The following DPP10 variants were observed in gnomAD, a reference collection of about 807,000 sequenced individuals.
DPP10 encodes the protein dipeptidyl peptidase like 10, also known as inactive dipeptidyl peptidase 10.
A neutral mutation model predicts 120.9 loss-of-function variants in DPP10; 33 were observed. That is an observed-to-expected ratio of 0.27 (90% confidence interval 0.21 to 0.37). The LOEUF is 0.37. Ranked by LOEUF, DPP10 falls within the 10% of genes least tolerant of loss-of-function variation. The pLI, the probability that DPP10 is intolerant of heterozygous loss-of-function variation, is 1.00. For missense variants in DPP10, 816 were observed against 942.8 expected, an observed-to-expected ratio of 0.87 and a Z score of 1.76; for synonymous variants, 337 against 326.1, an observed-to-expected ratio of 1.03 and a Z score of -0.36.
chr2:115,210,858 A>G (rs908426021), intron 1 of DPP10, among the ~76,000 whole-genome samples: 1 of 151,940 alleles, frequency 6.6e-6, no homozygotes, highest in African/African-American at 2.4e-5. Context: ...CCACTTTTTG[A>G]TGGGGTTGTT....
chr2:115,699,791 A>G (rs6542290), intron 7 of DPP10, among the ~76,000 whole-genome samples: 142,649 of 152,260 alleles, frequency 0.94, 67,382 homozygotes, highest in Non-Finnish European at 1. Flanking sequence ...CAAAATACTA[A>G]TACAACAAAT....
At chr2:115,683,442 A>G (rs1363289297) in intron 5 of DPP10, among the ~76,000 whole-genome samples, 1 of 151,956 alleles carries the variant, frequency 6.6e-6, no homozygotes, top group Admixed American at 6.6e-5. Flanking sequence ...TATACTCATC[A>G]TAACTCACGG....
chr2:114,695,561 T>C (rs1700022811), intron 1 of DPP10, among the ~76,000 whole-genome samples: 1 of 152,090 alleles, frequency 6.6e-6, no homozygotes, highest in African/African-American at 2.4e-5. Flanking sequence ...AGTGTCTAGA[T>C]TGGATTTTCT....
chr2:114,480,146 C>G (rs1040591345), intron 1 of DPP10, among the ~76,000 whole-genome samples: 10 of 152,046 alleles, frequency 6.6e-5, no homozygotes, highest in African/African-American at 2.4e-4. Context: ...CAAATCAAAA[C>G]CACAATGAGA....
At chr2:115,021,736 GATCAATGCAAA>G (rs1480353713) in intron 1 of DPP10, among the ~76,000 whole-genome samples, 1 of 151,930 alleles carries the variant, frequency 6.6e-6, no homozygotes, top group Non-Finnish European at 1.5e-5. Context: ...CAATATCACT[GATCAATGCAAA>G]ATCAATGCAA....
intron 1 of DPP10, among the ~76,000 whole-genome samples, chr2:114,494,413 A>G (rs1682314437): frequency 6.6e-6 from 1 of 152,188 alleles, no homozygotes; most frequent in Admixed American, 6.6e-5. Flanking sequence ...CTTGAGCTGG[A>G]TATTAAAGAG....
At chr2:114,477,901 A>G (rs190325275) in intron 1 of DPP10, among the ~76,000 whole-genome samples, 35 of 137,420 alleles carry the variant, frequency 2.5e-4, no homozygotes, top group African/African-American at 8.7e-4. Context: ...ACATATGTGT[A>G]TATATGTACA....
chr2:114,648,856 A>G (rs1696344883), intron 1 of DPP10, among the ~76,000 whole-genome samples: 1 of 152,250 alleles, frequency 6.6e-6, no homozygotes, highest in Non-Finnish European at 1.5e-5. Context: ...GCCACTATCC[A>G]TTTAAGTAGG....
chr2:115,589,244 T>C (rs2082477364), intron 5 of DPP10, among the ~76,000 whole-genome samples: 1 of 152,216 alleles, frequency 6.6e-6, no homozygotes, highest in Non-Finnish European at 1.5e-5. Flanking sequence ...GACAGATTGT[T>C]GTATTAATCC....
At chr2:115,738,410 A>G (rs1003461217) in intron 8 of DPP10, among the ~76,000 whole-genome samples, 2 of 152,054 alleles carry the variant, frequency 1.3e-5, no homozygotes, top group South Asian at 4.1e-4. Flanking sequence ...TAATCTTTAC[A>G]TCATCATTGT....
intron 1 of DPP10, among the ~76,000 whole-genome samples, chr2:115,225,411 G>T (rs1173310207): frequency 2.0e-5 from 3 of 152,026 alleles, no homozygotes; most frequent in Non-Finnish European, 4.4e-5. Context: ...ACTGAACAAA[G>T]GGCCCGATGA....
chr2:114,753,009 A>G (rs1180282520), intron 1 of DPP10, among the ~76,000 whole-genome samples: 3 of 152,138 alleles, frequency 2.0e-5, no homozygotes, highest in Non-Finnish European at 4.4e-5. Context: ...AAAATGTAAG[A>G]CATGGAGAAA....
intron 3 of DPP10, among the ~76,000 whole-genome samples, chr2:115,358,446 A>C (rs1018701737): frequency 6.6e-6 from 1 of 152,186 alleles, no homozygotes; most frequent in Non-Finnish European, 1.5e-5. Flanking sequence ...CATTTTGGTC[A>C]AAGCCATTCA....
At chr2:115,160,313 AC>A (rs576990928) in intron 1 of DPP10, among the ~76,000 whole-genome samples, 115 of 152,344 alleles carry the variant, frequency 7.5e-4, no homozygotes, top group African/African-American at 2.7e-3. Context: ...GCTGGTGATT[AC>A]TGATATATTT....
chr2:115,406,638 G>A (rs1339546868), intron 3 of DPP10, among the ~76,000 whole-genome samples: 1 of 151,766 alleles, frequency 6.6e-6, no homozygotes, highest in Non-Finnish European at 1.5e-5. Context: ...GAGTTAGAGA[G>A]GCTATATTAA....
chr2:115,256,397 A>T (rs1397385850), intron 1 of DPP10, among the ~76,000 whole-genome samples: 1 of 152,010 alleles, frequency 6.6e-6, no homozygotes, highest in African/African-American at 2.4e-5. Context: ...GAGTGGAGAG[A>T]GCCCCAAACC....
intron 1 of DPP10, among the ~76,000 whole-genome samples, chr2:115,261,574 A>G (rs952388336): frequency 2.6e-5 from 4 of 152,166 alleles, no homozygotes; most frequent in Non-Finnish European, 5.9e-5. Flanking sequence ...CACTTCTTCA[A>G]TACATGTGCT....
At chr2:115,097,090 A>T (rs2104594573) in intron 1 of DPP10, among the ~76,000 whole-genome samples, 1 of 152,278 alleles carries the variant, frequency 6.6e-6, no homozygotes, top group Middle Eastern at 3.4e-3. Flanking sequence ...AGTCTGGTAG[A>T]GATTAAACTG....
At chr2:114,979,233 AAG>A (rs535883594) in intron 1 of DPP10, among the ~76,000 whole-genome samples, 2 of 152,194 alleles carry the variant, frequency 1.3e-5, no homozygotes, top group South Asian at 4.1e-4. Context: ...TCATTGGGGA[AAG>A]AGAATCAAGA....
Sources: allele counts gnomAD v4.1 joint callset (sites outside exome capture counted in the v4.1 genomes callset), GRCh38; gene constraint gnomAD v4.1.1; transcripts MANE v1.5; gene names NCBI Gene and HGNC (gene_info 2026-07-23, HGNC 2026-07-21).